AGMAT: variants seen among roughly 807,000 people sequenced by gnomAD.
The protein encoded by AGMAT is agmatinase (putative), also known as guanidino acid hydrolase, mitochondrial.
In AGMAT, 37 loss-of-function variants were observed where a neutral mutation model predicts 29.3. The observed-to-expected ratio is 1.26, with a 90% CI of 0.97 to 1.66. The LOEUF (loss-of-function observed/expected upper bound fraction) is 1.66, where lower values mean the gene tolerates loss of function less well. AGMAT is among the 40% of genes most tolerant of loss of function. The pLI is 0.00. For synonymous variants in AGMAT, 199 were observed against 200.8 expected (o/e 0.99, Z 0.08); for missense variants, 498 against 497.8 (o/e 1.00, Z 0.00).
At chr1:15,578,797 G>C (rs1639073102) in intron 4 of AGMAT, 62 bp downstream of exon 4, 5 of 1,550,736 alleles carry the variant, frequency 3.2e-6, no homozygotes, top group Non-Finnish European at 2.6e-6. Context: ...GGCTGCCACT[G>C]GTGAGGCAAC....
chr1:15,583,351 G>A lies in AGMAT; in HGVS notation c.317C>T (p.Thr106Ile), dbSNP rs1419075180. The stretch of plus-strand genomic sequence containing the variant: ...GAGGGCCCCCGTGCTAGGATTGACT[G>A]TCCCAAGCATCACTGATTCTTCCCG... ...RIREESVMLGTVNPSTGALPF... is the reference protein window; with the variant it reads ...RIREESVMLGIVNPSTGALPF... Residue 106 changes from threonine to isoleucine, a missense_variant, in exon 2 of 7, where the codon ACA (threonine) becomes ATA (isoleucine). By Grantham distance (89) the Thr-to-Ile change is moderately conservative. Transcript: ENST00000375826. The A allele has an allele frequency of 6.2e-7, 1 of 1,614,130 alleles. No individual in the cohort carries two copies. The highest frequency in any genetic ancestry group is 8.5e-7 in the Non-Finnish European group (1 of 1,180,008).
chr1:15,581,977 G>T (rs1283734758), intron 2 of AGMAT, among the ~76,000 whole-genome samples: 2 of 151,728 alleles, frequency 1.3e-5, no homozygotes, highest in Non-Finnish European at 2.9e-5. Context: ...CTTCAGATAT[G>T]CCATGCATAG....
rs1031888543 is a variant in AGMAT at position 15,572,172 on chromosome 1, G to T, written c.*1479C>A. Among the ~76,000 whole-genome samples the T allele has an allele frequency of 2.1e-5, 3 of 143,954 alleles. No homozygotes were observed. In the South Asian group the frequency reaches 6.5e-4, roughly 31 times the overall value. 94.4% of individuals were successfully genotyped at this position (143,954 alleles called of 152,430 possible). A position where few individuals can be genotyped will look rare whatever the true frequency, so the allele number is the denominator to read the frequency against. The stretch of plus-strand genomic sequence containing the variant: ...AAAAAAAAAAAAAAAAAAAAGCCCA[G>T]CTGACATTTTCCAGTTTTGTTTTGT... On this transcript the variant is annotated 3_prime_UTR_variant, in exon 7 of 7. Transcript: ENST00000375826.
chr1:15,573,934 A>G (rs1487372767), intron 6 of AGMAT, among the ~76,000 whole-genome samples: 4 of 152,194 alleles, frequency 2.6e-5, no homozygotes, highest in African/African-American at 9.6e-5. Flanking sequence ...TAAAATTCAG[A>G]AAGTTCTTTG....
At chr1:15,584,166 G>A (rs1639151485) in intron 1 of AGMAT, among the ~76,000 whole-genome samples, 1 of 152,054 alleles carries the variant, frequency 6.6e-6, no homozygotes, top group Admixed American at 6.6e-5. Flanking sequence ...TTTTTGAGAC[G>A]GAGTCTCACT....
At chr1:15,574,913 C>G in intron 5 of AGMAT, 72 bp from the exon 6 acceptor site, 1 of 1,224,916 alleles carries the variant, frequency 8.2e-7, no homozygotes, top group Non-Finnish European at 1.2e-6. Flanking sequence ...TAGAGCTTTT[C>G]CCAGCCCACG....
chr1:15,578,866 CGGTTGTATCTGTAGGGATCCAA>C lies in AGMAT; in HGVS notation c.691_712del (p.Leu231GlyfsTer7). 4 of 1,613,552 alleles carry C rather than the reference CGGTTGTATCTGTAGGGATCCAA, an allele frequency of 2.5e-6. No individual in the cohort carries two copies. Among genetic ancestry groups the C allele is most frequent in the Non-Finnish European group, 3.4e-6 (4 of 1,179,584 alleles). ...GGGCATTCGGTCTGTCACCTGGCTC[CGGTTGTATCTGTAGGGATCCAA>C]GGTCGTGGAAGAGCCCCGGATGCCA... On this transcript the variant is annotated frameshift_variant, in exon 4 of 7. Transcript: ENST00000375826. LOFTEE classifies it high-confidence loss of function.
chr1:15,584,064 G>A (rs1430201994), intron 1 of AGMAT, among the ~76,000 whole-genome samples: 3 of 152,202 alleles, frequency 2.0e-5, no homozygotes, highest in Non-Finnish European at 2.9e-5. Flanking sequence ...CTGGGGAGAG[G>A]AGAGGGGAGG....
chr1:15,580,633 G>A (rs1041472260), intron 2 of AGMAT, among the ~76,000 whole-genome samples: 3 of 152,104 alleles, frequency 2.0e-5, no homozygotes, highest in African/African-American at 7.2e-5. Context: ...AGCTGTGATC[G>A]TGCCACTGCA....
At chr1:15,579,103 A>G (rs1403216202) in intron 3 of AGMAT, 49 bp from the exon 4 acceptor site, 1 of 1,575,940 alleles carries the variant, frequency 6.3e-7, no homozygotes, top group Non-Finnish European at 8.7e-7. Flanking sequence ...GTGGGGCCCT[A>G]GCACAGCCAC....
intron 3 of AGMAT, among the ~76,000 whole-genome samples, chr1:15,579,660 C>T (rs1639086547): frequency 6.6e-6 from 1 of 152,200 alleles, no homozygotes; most frequent in Admixed American, 6.5e-5. Flanking sequence ...ACTTCCACTA[C>T]TGGCAAATCA....
chr1:15,584,850 G>C lies in AGMAT; in HGVS notation c.118C>G (p.Pro40Ala). The change falls in exon 1 of 7, where the codon CCC (proline) becomes GCC (alanine). Residue 40 changes from proline (P) to alanine (A), a missense_variant. Transcript: ENST00000375826. ...TCGGGGCTGGGGGGCTGGTTCCGGG[G>C]CGCGTCGGAAGCCTGGCGGCTCTGG... ...RRQSRQASDA[P>A]RNQPPSPEFV... 1 of 1,429,410 alleles carries C rather than the reference G, an allele frequency of 7.0e-7. No individual in the cohort carries two copies. Among genetic ancestry groups the C allele is most frequent in the East Asian group, 2.9e-5 (1 of 35,052 alleles). 88.5% of individuals were successfully genotyped at this position (1,429,410 alleles called of 1,614,324 possible). A position where few individuals can be genotyped will look rare whatever the true frequency, so the allele number is the denominator to read the frequency against.
Position 15,572,005 on chromosome 1 carries a change from C to T in AGMAT, c.*1646G>A, listed in dbSNP as rs1049338947. On this transcript the variant is annotated 3_prime_UTR_variant, in exon 7 of 7. Coordinates refer to ENST00000375826, the MANE Select transcript of AGMAT (RefSeq NM_024758.5). ...ACTAAAAATACAAAAATTAGCCGGG[C>T]GTGGTGACGCATGACTGTAATTCTA... Among the ~76,000 whole-genome samples the T allele has an allele frequency of 4.6e-5, 7 of 151,696 alleles. No homozygotes were observed. Among genetic ancestry groups the T allele is most frequent in the Non-Finnish European group, 1.0e-4 (7 of 67,944 alleles).
At position 15,584,846 on chromosome 1, in the gene AGMAT, CG is replaced by C; in HGVS notation, c.121del (p.Arg41GlyfsTer19). 2 of 1,427,492 alleles carry C rather than the reference CG, an allele frequency of 1.4e-6. No homozygotes were observed. Among genetic ancestry groups the C allele is most frequent in the South Asian group, 1.5e-5 (1 of 66,424 alleles). The allele number at this position is 1,427,492 out of a possible 1,614,324, so 88.4% of individuals were successfully genotyped here. ...RQSRQASDAP[R>X]NQPPSPEFVA... ...GAACTCGGGGCTGGGGGGCTGGTTC[CG>C]GGGCGCGTCGGAAGCCTGGCGGCTC... On this transcript the variant is annotated frameshift_variant, in exon 1 of 7. Coordinates refer to ENST00000375826, the MANE Select transcript of AGMAT (RefSeq NM_024758.5). LOFTEE classifies it high-confidence loss of function.
Position 15,584,683 on chromosome 1 carries a change from CT to C in AGMAT, c.272+12del. 7.6e-7 allele frequency: 1 copy of C among 1,314,640 alleles called. No homozygotes were observed. Among genetic ancestry groups the C allele is most frequent in the Non-Finnish European group, 9.7e-7 (1 of 1,026,918 alleles). The allele number at this position is 1,314,640 out of a possible 1,614,324, so 81.4% of individuals were successfully genotyped here. A position where few individuals can be genotyped will look rare whatever the true frequency, so the allele number is the denominator to read the frequency against. On this transcript the variant is annotated intron_variant, in intron 1 of 6. Transcript: ENST00000375826. ...CCTCCACGTGTACCCGGCCCCCGTC[CT>C]TCCGGCCTTACCTCGCCCCAGGCCG...
Position 15,572,934 on chromosome 1 carries a change from A to G in AGMAT, c.*717T>C, listed in dbSNP as rs1217642245. On this transcript the variant is annotated 3_prime_UTR_variant, in exon 7 of 7. Coordinates refer to ENST00000375826, the MANE Select transcript of AGMAT (RefSeq NM_024758.5). ...GAGGAGCTGTAGTTTAAAGGAAGAT[A>G]CTCAATACTCTAGGAAGCAGATCAT... 6.6e-6 allele frequency: 1 copy of G among 151,108 alleles called. No homozygotes were observed. The highest frequency in any genetic ancestry group is 2.4e-5 in the African/African-American group (1 of 40,988). 9.4% of individuals were successfully genotyped at this position (151,108 alleles called of 1,614,324 possible).
chr1:15,575,168 AG>A (rs1314052467), intron 5 of AGMAT: 1 of 199,954 alleles, frequency 5.0e-6, no homozygotes, highest in Non-Finnish European at 1.0e-5. Context: ...GGCTTCCCCA[AG>A]GTGGAAATAC....
intron 5 of AGMAT, 91 bp from the exon 6 acceptor site, chr1:15,574,932 T>G: frequency 1.0e-6 from 1 of 991,350 alleles, no homozygotes; most frequent in Admixed American, 2.0e-5. Context: ...CGCCACCCTT[T>G]GACTTGGAAT....
intron 3 of AGMAT, among the ~76,000 whole-genome samples, chr1:15,579,492 A>T (rs888223311): frequency 2.6e-5 from 4 of 152,212 alleles, no homozygotes; most frequent in African/African-American, 9.7e-5. Context: ...CGTGAGGAAT[A>T]AATGCAGCTT....
Sources: allele counts gnomAD v4.1 joint callset (sites outside exome capture counted in the v4.1 genomes callset), GRCh38; gene constraint gnomAD v4.1.1; transcripts MANE v1.5; gene names NCBI Gene and HGNC (gene_info 2026-07-23, HGNC 2026-07-21).